Variants in LTBP1 observed in about 807,000 individuals in gnomAD.
LTBP1 encodes latent-transforming growth factor beta-binding protein 1.
In LTBP1, 129 loss-of-function variants were observed where a neutral mutation model predicts 207.6. The observed-to-expected ratio is 0.62, with a 90% CI of 0.54 to 0.72. The LOEUF (loss-of-function observed/expected upper bound fraction) is 0.72, where lower values mean the gene tolerates loss of function less well. Among genes scored for constraint, LTBP1 ranks in the 30% least tolerant of loss-of-function variants. LTBP1 has a pLI of 0.00. For missense variants in LTBP1, 2,281 were observed against 2,217.2 expected, an observed-to-expected ratio of 1.03 and a Z score of -0.58; for synonymous variants, 963 against 833.7, an observed-to-expected ratio of 1.16 and a Z score of -2.67.
chr2:33,057,564 C>T (rs2077063957), intron 3 of LTBP1, among the ~76,000 whole-genome samples: 1 of 152,220 alleles, frequency 6.6e-6, no homozygotes, highest in Admixed American at 6.5e-5. Flanking sequence ...AGGTACCGAG[C>T]CCTGCCCCAC....
intron 18 of LTBP1, among the ~76,000 whole-genome samples, chr2:33,276,752 G>A (rs970894538): frequency 6.6e-6 from 1 of 152,242 alleles, no homozygotes; most frequent in African/African-American, 2.4e-5. Flanking sequence ...CTGGGAGGCT[G>A]AGAAACAAGA....
At chr2:33,158,922 T>G (rs7596598) in intron 5 of LTBP1, among the ~76,000 whole-genome samples, 5,174 of 152,326 alleles carry the variant, frequency 0.034, 118 homozygotes, top group Middle Eastern at 0.14. Flanking sequence ...TCTGTGATAC[T>G]GTTGACACAT....
intron 31 of LTBP1, among the ~76,000 whole-genome samples, chr2:33,377,522 G>C (rs1041622906): frequency 1.3e-5 from 2 of 152,166 alleles, no homozygotes; most frequent in African/African-American, 4.8e-5. Context: ...GCTAGGGAAA[G>C]TATTTGGCCA....
chr2:33,104,262 A>G (rs745582564), intron 3 of LTBP1, among the ~76,000 whole-genome samples: 3 of 152,216 alleles, frequency 2.0e-5, no homozygotes, highest in Admixed American at 6.5e-5. Flanking sequence ...CCCTGCTGCT[A>G]ACAAAGATAC....
At chr2:33,221,063 A>G (rs1043914756) in intron 8 of LTBP1, among the ~76,000 whole-genome samples, 14 of 152,036 alleles carry the variant, frequency 9.2e-5, no homozygotes, top group Non-Finnish European at 1.8e-4. Context: ...AGTCTTTTTT[A>G]GTGGTTTAAT....
At chr2:33,325,255 A>G (rs879069960) in intron 24 of LTBP1, among the ~76,000 whole-genome samples, 10 of 152,078 alleles carry the variant, frequency 6.6e-5, no homozygotes, top group Admixed American at 2.0e-4. Context: ...TACACTGTCT[A>G]TTTTCTGTGG....
chr2:33,392,120 A>G (rs1210752832), intron 32 of LTBP1, among the ~76,000 whole-genome samples: 1 of 152,124 alleles, frequency 6.6e-6, no homozygotes, highest in Admixed American at 6.6e-5. Flanking sequence ...CAGTACTTCT[A>G]AAACTGGAAT....
At chr2:33,066,352 A>C (rs370702461) in intron 3 of LTBP1, among the ~76,000 whole-genome samples, 1 of 152,162 alleles carries the variant, frequency 6.6e-6, no homozygotes. Flanking sequence ...ATCACTTTTC[A>C]CTGCTGCTTG....
chr2:32,973,663 G>T (rs1179177991), intron 2 of LTBP1, among the ~76,000 whole-genome samples: 4 of 152,066 alleles, frequency 2.6e-5, no homozygotes, highest in Non-Finnish European at 5.9e-5. Flanking sequence ...TCACCCTATT[G>T]TGCTATCAGA....
At chr2:33,003,667 G>A (rs1216516760) in intron 2 of LTBP1, among the ~76,000 whole-genome samples, 4 of 152,212 alleles carry the variant, frequency 2.6e-5, no homozygotes. Flanking sequence ...GGAAAGGGGA[G>A]GCAATGAGTG....
chr2:33,296,650 G>A (rs80077313), intron 20 of LTBP1, among the ~76,000 whole-genome samples: 13,783 of 152,112 alleles, frequency 0.091, 882 homozygotes, highest in Non-Finnish European at 0.13. Context: ...GGAAAGATTG[G>A]TTGGGGAGAC....
chr2:33,043,482 G>A (rs1261342468), intron 3 of LTBP1, among the ~76,000 whole-genome samples: 1 of 152,184 alleles, frequency 6.6e-6, no homozygotes, highest in Non-Finnish European at 1.5e-5. Flanking sequence ...AGACAGTAGA[G>A]TGTAAGCTAT....
intron 33 of LTBP1, among the ~76,000 whole-genome samples, chr2:33,398,084 A>G (rs748547829): frequency 3.3e-5 from 5 of 152,180 alleles, no homozygotes; most frequent in Admixed American, 6.5e-5. Flanking sequence ...TTTGGAAGTA[A>G]TATAGTTCCT....
At chr2:33,200,455 T>C (rs1322593799) in intron 7 of LTBP1, among the ~76,000 whole-genome samples, 7 of 151,990 alleles carry the variant, frequency 4.6e-5, no homozygotes, top group Admixed American at 3.3e-4. Context: ...CTCTTCTTTA[T>C]ACCTTATACA....
chr2:33,336,925 C>T (rs1427056787), intron 24 of LTBP1, among the ~76,000 whole-genome samples: 1 of 152,190 alleles, frequency 6.6e-6, no homozygotes, highest in African/African-American at 2.4e-5. Flanking sequence ...TGTACAGATA[C>T]ACATAGACTT....
At chr2:33,092,809 A>G (rs1403620599) in intron 3 of LTBP1, among the ~76,000 whole-genome samples, 1 of 152,174 alleles carries the variant, frequency 6.6e-6, no homozygotes, top group African/African-American at 2.4e-5. Flanking sequence ...CCCCATTTCC[A>G]TGACCCTAAA....
chr2:33,261,857 G>C (rs2148001137), intron 13 of LTBP1, among the ~76,000 whole-genome samples: 1 of 152,340 alleles, frequency 6.6e-6, no homozygotes, highest in South Asian at 2.1e-4. Flanking sequence ...GAAGCCAGGA[G>C]AAGAGGATAA....
At chr2:33,156,014 C>T (rs1300462615) in intron 5 of LTBP1, among the ~76,000 whole-genome samples, 2 of 152,182 alleles carry the variant, frequency 1.3e-5, no homozygotes, top group Admixed American at 6.5e-5. Flanking sequence ...TGGAGAGGAT[C>T]AGAAATCTTA....
chr2:33,384,054 G>A (rs2095244839), intron 31 of LTBP1, among the ~76,000 whole-genome samples: 1 of 152,132 alleles, frequency 6.6e-6, no homozygotes, highest in South Asian at 2.1e-4. Flanking sequence ...GTAGCATTGT[G>A]ACATGTGACT....
Sources: gnomAD v4.1 joint callset for allele counts (sites outside exome capture counted in the v4.1 genomes callset) on GRCh38, gnomAD v4.1.1 for gene constraint, MANE v1.5 for transcripts, NCBI Gene and HGNC (gene_info 2026-07-23, HGNC 2026-07-21) for gene names.